Variants in GRAMD1C observed in about 807,000 individuals in gnomAD.
GRAMD1C encodes the protein GRAM domain containing 1C, also known as protein Aster-C.
In GRAMD1C, 89 loss-of-function variants were observed where a neutral mutation model predicts 97.8. The ratio of observed to expected loss-of-function variants is 0.91; its 90% CI spans 0.77 to 1.09. The LOEUF is 1.09. GRAMD1C is among the 50% of genes least tolerant of loss of function. The pLI is 0.00. For missense variants in GRAMD1C, 740 were observed against 766.4 expected (o/e 0.97, Z 0.41); for synonymous variants, 256 against 267.0 (o/e 0.96, Z 0.40).
chr3:113,837,320 T>A (rs1441349881), upstream of GRAMD1C, among the ~76,000 whole-genome samples: 22 of 152,174 alleles, frequency 1.4e-4, no homozygotes, highest in Admixed American at 1.4e-3. Flanking sequence ...GAACCCCAAA[T>A]ATCTGAGACA....
At position 113,893,021 on chromosome 3, in the gene GRAMD1C, A is replaced by G. The variant is rs528557602; in HGVS notation, c.541-8010A>G. Among the ~76,000 whole-genome samples, 12 of 152,334 alleles carry G rather than the reference A, an allele frequency of 7.9e-5. No individual in the cohort carries two copies. In the South Asian group the frequency reaches 1.7e-3, roughly 21 times the overall value. On this transcript the variant is annotated intron_variant, in intron 6 of 17. Coordinates refer to ENST00000358160, the MANE Select transcript of GRAMD1C (RefSeq NM_017577.5). Reference sequence around the variant, plus strand: ...ATATGAAATTCAAATTTCAGTGTCCATAAATAAAGTTTTATTGGAACACAG... The same window carrying G: ...ATATGAAATTCAAATTTCAGTGTCCGTAAATAAAGTTTTATTGGAACACAG...
At chr3:113,850,058 C>A (rs959664418) in intron 2 of GRAMD1C, among the ~76,000 whole-genome samples, 10 of 151,980 alleles carry the variant, frequency 6.6e-5, no homozygotes, top group Middle Eastern at 3.4e-3. Flanking sequence ...GGCGGCTGGC[C>A]GGACGGGGGG....
intron 10 of GRAMD1C, chr3:113,920,197 G>T: frequency 7.6e-7 from 1 of 1,310,724 alleles, no homozygotes; most frequent in Non-Finnish European, 1.1e-6. Context: ...AGCCTGAAAT[G>T]TGAACTGAAT....
In GRAMD1C at chr3:113,896,369, C is replaced by G. The variant is rs148575170; in HGVS notation, c.541-4662C>G. Among the ~76,000 whole-genome samples, 201 of 152,082 alleles carry G rather than the reference C, an allele frequency of 1.3e-3. 2 individuals are homozygous for G. Among genetic ancestry groups the G allele is most frequent in the African/African-American group, 4.5e-3 (188 of 41,500 alleles). On this transcript the variant is annotated intron_variant, in intron 6 of 17. Transcript: ENST00000358160. ...TCCCTGAATCTTTTTTTGCTGGCCA[C>G]TCCTCTATTTTCTCTTTGTGTGTTG...
chr3:113,838,966 C>A (rs1196283068), intron 1 of GRAMD1C, 30 bp downstream of exon 1: 1 of 1,232,064 alleles, frequency 8.1e-7, no homozygotes, highest in African/African-American at 1.5e-5. Flanking sequence ...GGGGCAGGTT[C>A]CCATCTGTGG....
At chr3:113,856,856 T>C (rs1934151350) in intron 2 of GRAMD1C, among the ~76,000 whole-genome samples, 1 of 151,434 alleles carries the variant, frequency 6.6e-6, no homozygotes, top group Non-Finnish European at 1.5e-5. Flanking sequence ...TTTTTTTTTT[T>C]TTTTAAAAGA....
At chr3:113,940,750 A>G (rs897397909) in intron 17 of GRAMD1C, among the ~76,000 whole-genome samples, 3 of 152,182 alleles carry the variant, frequency 2.0e-5, no homozygotes, top group African/African-American at 2.4e-5. Context: ...TATTAACCAT[A>G]TATCTTGGAG....
At chr3:113,908,876 G>A in intron 8 of GRAMD1C, 82 bp from the exon 9 acceptor site, 2 of 705,928 alleles carry the variant, frequency 2.8e-6, no homozygotes, top group Non-Finnish European at 2.3e-6. Flanking sequence ...ATATTTCAAA[G>A]TATCTTTAAT....
chr3:113,830,949 G>A (rs1387332675), intron 1 of GRAMD1C, among the ~76,000 whole-genome samples: 2 of 152,142 alleles, frequency 1.3e-5, no homozygotes, highest in African/African-American at 4.8e-5. Flanking sequence ...ACAAAAATTG[G>A]CCTGGCATGA....
intron 2 of GRAMD1C, among the ~76,000 whole-genome samples, chr3:113,852,434 C>G (rs553716259): frequency 2.0e-5 from 3 of 152,118 alleles, no homozygotes; most frequent in Non-Finnish European, 4.4e-5. Context: ...CTCGATAAAC[C>G]TAGATATCTT....
At chr3:113,877,680 A>G (rs1935098330) in intron 5 of GRAMD1C, among the ~76,000 whole-genome samples, 2 of 152,098 alleles carry the variant, frequency 1.3e-5, no homozygotes, top group South Asian at 4.1e-4. Context: ...TTTAACTTCT[A>G]CCATTACTGG....
chr3:113,935,190 A>G (rs562016572), intron 13 of GRAMD1C, among the ~76,000 whole-genome samples: 1 of 152,274 alleles, frequency 6.6e-6, no homozygotes, highest in South Asian at 2.1e-4. Flanking sequence ...AAACACAGAG[A>G]GGTTAAGTGA....
chr3:113,921,333 G>T (rs1006444749), intron 10 of GRAMD1C, among the ~76,000 whole-genome samples: 6 of 152,106 alleles, frequency 3.9e-5, no homozygotes, highest in African/African-American at 1.4e-4. Context: ...TAGGTTGATT[G>T]CATGTCTTTA....
chr3:113,853,781 A>C (rs1934007146), intron 2 of GRAMD1C, among the ~76,000 whole-genome samples: 1 of 152,234 alleles, frequency 6.6e-6, no homozygotes, highest in African/African-American at 2.4e-5. Flanking sequence ...AAAGGTGTAG[A>C]GAATAGCATG....
At chr3:113,850,070 T>C (rs1235735092) in intron 2 of GRAMD1C, among the ~76,000 whole-genome samples, 1 of 151,970 alleles carries the variant, frequency 6.6e-6, no homozygotes, top group Non-Finnish European at 1.5e-5. Flanking sequence ...GACGGGGGGC[T>C]GAACCCCCAA....
At chr3:113,883,639 C>T (rs543964981) in intron 6 of GRAMD1C, among the ~76,000 whole-genome samples, 1 of 151,612 alleles carries the variant, frequency 6.6e-6, no homozygotes, top group Non-Finnish European at 1.5e-5. Context: ...AAATATGATA[C>T]ACCATGCAAA....
chr3:113,836,270 A>G (rs192320541), upstream of GRAMD1C, among the ~76,000 whole-genome samples: 3 of 152,302 alleles, frequency 2.0e-5, no homozygotes, highest in East Asian at 5.8e-4. Flanking sequence ...TCTCAAAAAA[A>G]CAAAAACAAA....
intron 9 of GRAMD1C, chr3:113,913,074 A>T (rs930781955): frequency 1.6e-6 from 2 of 1,250,382 alleles, no homozygotes; most frequent in African/African-American, 1.5e-5. Context: ...TTGCTTTAGT[A>T]TGCAGCTGGG....
At chr3:113,880,839 G>A (rs530110594) in intron 5 of GRAMD1C, among the ~76,000 whole-genome samples, 2 of 152,254 alleles carry the variant, frequency 1.3e-5, no homozygotes, top group Admixed American at 6.5e-5. Context: ...CCAATTCACA[G>A]TACTAACAAC....
Sources: allele counts gnomAD v4.1 joint callset (sites outside exome capture counted in the v4.1 genomes callset), GRCh38; gene constraint gnomAD v4.1.1; transcripts MANE v1.5; gene names NCBI Gene and HGNC (gene_info 2026-07-23, HGNC 2026-07-21).